The following ANK1 variants were observed in gnomAD, a reference collection of about 807,000 sequenced individuals.
ANK1 encodes the protein ankyrin 1.
Under a neutral mutation model 210.4 loss-of-function variants are expected in ANK1, and 51 were observed. The ratio of observed to expected loss-of-function variants is 0.24; its 90% CI spans 0.19 to 0.31. The LOEUF (loss-of-function observed/expected upper bound fraction) is 0.31, where lower values mean the gene tolerates loss of function less well. Among genes scored for constraint, ANK1 ranks in the 10% least tolerant of loss-of-function variants. The pLI, the probability that ANK1 is intolerant of heterozygous loss-of-function variation, is 1.00. For missense variants in ANK1, 2,051 were observed against 2,504.4 expected, an observed-to-expected ratio of 0.82 and a Z score of 3.86; for synonymous variants, 967 against 1,025.9, an observed-to-expected ratio of 0.94 and a Z score of 1.10.
chr8:41,834,947 A>T (rs1807359591), intron 1 of ANK1, among the ~76,000 whole-genome samples: 1 of 152,142 alleles, frequency 6.6e-6, no homozygotes, highest in African/African-American at 2.4e-5. Flanking sequence ...GCTGCCCGGG[A>T]GAAGCTGGAG....
upstream of ANK1, among the ~76,000 whole-genome samples, chr8:41,798,294 T>C (rs890167870): frequency 6.8e-6 from 1 of 147,784 alleles, no homozygotes; most frequent in Non-Finnish European, 1.5e-5. Context: ...TAGGGCCCCA[T>C]GCTGCTTAGT....
At chr8:41,722,246 A>G (rs1466907429) in intron 9 of ANK1, among the ~76,000 whole-genome samples, 4 of 152,230 alleles carry the variant, frequency 2.6e-5, no homozygotes, top group Admixed American at 1.3e-4. Flanking sequence ...ACCCTCATGC[A>G]ACAGCACACA....
chr8:41,857,648 G>A (rs1009104886), intron 1 of ANK1, among the ~76,000 whole-genome samples: 1 of 151,722 alleles, frequency 6.6e-6, no homozygotes, highest in Non-Finnish European at 1.5e-5. Context: ...TGAGGCAGGA[G>A]AATCACTTGA....
intron 1 of ANK1, among the ~76,000 whole-genome samples, chr8:41,819,907 C>T (rs564656407): frequency 1.3e-5 from 2 of 152,348 alleles, no homozygotes; most frequent in South Asian, 2.1e-4. Flanking sequence ...TAAACAGACA[C>T]CAATATGGTG....
At chr8:41,771,555 GA>G (rs1842957618) in intron 1 of ANK1, among the ~76,000 whole-genome samples, 1 of 152,246 alleles carries the variant, frequency 6.6e-6, no homozygotes, top group Non-Finnish European at 1.5e-5. Context: ...ATGGGCTGAA[GA>G]AAAGGCTAAA....
At chr8:41,803,087 A>G (rs1850371389) in intron 1 of ANK1, among the ~76,000 whole-genome samples, 1 of 60,656 alleles carries the variant, frequency 1.6e-5, no homozygotes, top group African/African-American at 5.8e-5. Context: ...AAGGAAGGGA[A>G]GGAAAGGAAA....
chr8:41,688,020 A>G, intron 35 of ANK1, 136 bp downstream of exon 35: 1 of 1,112,012 alleles, frequency 9.0e-7, no homozygotes. Flanking sequence ...CAGCAGACCC[A>G]GCTCAGACAA....
chr8:41,760,641 C>T (rs1311527034), intron 1 of ANK1, among the ~76,000 whole-genome samples: 2 of 152,212 alleles, frequency 1.3e-5, no homozygotes, highest in Non-Finnish European at 2.9e-5. Flanking sequence ...GCTGAGTGCC[C>T]TCAGGTACTT....
intron 37 of ANK1, among the ~76,000 whole-genome samples, chr8:41,680,810 A>C (rs895169519): frequency 1.3e-5 from 2 of 152,174 alleles, no homozygotes; most frequent in Non-Finnish European, 2.9e-5. Flanking sequence ...GTGCATCCTC[A>C]TGAGGAACAT....
intron 1 of ANK1, among the ~76,000 whole-genome samples, chr8:41,761,904 C>A (rs1840564292): frequency 6.6e-6 from 1 of 152,068 alleles, no homozygotes; most frequent in Non-Finnish European, 1.5e-5. Context: ...CCCAGGCCTG[C>A]AGAAATGCTG....
chr8:41,734,218 C>T, intron 2 of ANK1, 149 bp from the exon 3 acceptor site: 1 of 738,070 alleles, frequency 1.4e-6, no homozygotes, highest in Middle Eastern at 3.0e-4. Context: ...GGAAGGGGCA[C>T]AGGGCAGGGC....
At chr8:41,712,038 C>T (rs1194321401) in intron 16 of ANK1, among the ~76,000 whole-genome samples, 1 of 152,074 alleles carries the variant, frequency 6.6e-6, no homozygotes, top group Non-Finnish European at 1.5e-5. Context: ...GATTCTCCTG[C>T]CTCAGCCTCC....
Position 41,704,301 on chromosome 8 carries a change from G to A in ANK1, c.2196+73C>T. 1 of 1,487,380 alleles carries A rather than the reference G, an allele frequency of 6.7e-7. No homozygotes were observed. The highest frequency in any genetic ancestry group is 9.4e-7 in the Non-Finnish European group (1 of 1,065,746). 92.1% of individuals were successfully genotyped at this position (1,487,380 alleles called of 1,614,324 possible). A position where few individuals can be genotyped will look rare whatever the true frequency, so the allele number is the denominator to read the frequency against. ...TGGTCAAAACCCTAGTGCTCCCAGA[G>A]CAGCTCTGGCTTTACCCTGATGTGG... On this transcript the variant is annotated intron_variant, in intron 19 of 42. Transcript: ENST00000289734. The surrounding 1 kb of genome is among the most constrained non-coding windows in gnomAD (Gnocchi z 4.1).
rs113295786 is a variant in ANK1, at chr8:41,706,805, T to C, written c.1999-564A>G. ...GTGAAGCACATTGAGAGGCACACAGTGCTGTTTAAATGGCTGGGCGCGGCG... is the reference window on the plus strand; with the variant it reads ...GTGAAGCACATTGAGAGGCACACAGCGCTGTTTAAATGGCTGGGCGCGGCG... On this transcript the variant is annotated intron_variant, in intron 17 of 42. Transcript: ENST00000289734. 2.0e-3 allele frequency among the ~76,000 whole-genome samples: 300 copies of C among 152,276 alleles called. 1 individual carries two copies. The highest frequency in any genetic ancestry group is 6.5e-3 in the African/African-American group (272 of 41,562).
chr8:41,887,986 G>A (rs1002218123), intron 1 of ANK1, among the ~76,000 whole-genome samples: 1 of 152,214 alleles, frequency 6.6e-6, no homozygotes, highest in African/African-American at 2.4e-5. Flanking sequence ...CTAACACCCT[G>A]TCAGCTTGGT....
intron 1 of ANK1, among the ~76,000 whole-genome samples, chr8:41,840,966 G>T (rs1808784500): frequency 6.6e-6 from 1 of 152,196 alleles, no homozygotes; most frequent in African/African-American, 2.4e-5. Flanking sequence ...GAGAAATGGT[G>T]TCGCTGCTAC....
chr8:41,674,927 T>A (rs1469564564), intron 37 of ANK1, among the ~76,000 whole-genome samples: 1 of 152,180 alleles, frequency 6.6e-6, no homozygotes, highest in Non-Finnish European at 1.5e-5. Flanking sequence ...TCACTGTACA[T>A]GAAACTGTGA....
chr8:41,774,712 C>T (rs990174), intron 1 of ANK1, among the ~76,000 whole-genome samples: 30,848 of 152,212 alleles, frequency 0.2, 4,355 homozygotes, highest in East Asian at 0.73. Context: ...CTTGTGGGTG[C>T]CTAAATAGAA....
At chr8:41,868,292 G>A (rs1483676606) in intron 1 of ANK1, among the ~76,000 whole-genome samples, 1 of 152,172 alleles carries the variant, frequency 6.6e-6, no homozygotes, top group African/African-American at 2.4e-5. Flanking sequence ...AAGGGTGTTC[G>A]GTATCTCTGG....
Sources: allele counts gnomAD v4.1 joint callset (sites outside exome capture counted in the v4.1 genomes callset), GRCh38; gene constraint gnomAD v4.1.1; non-coding constraint Gnocchi (gnomAD v3.1); transcripts MANE v1.5; gene names NCBI Gene and HGNC (gene_info 2026-07-23, HGNC 2026-07-21).